The following TMEM132E variants were observed in gnomAD, a reference collection of about 807,000 sequenced individuals.
TMEM132E encodes the protein transmembrane protein 132E.
TMEM132E carries 49 observed loss-of-function variants against 78.5 expected under a neutral mutation model. The observed-to-expected ratio is 0.62, with a 90% CI of 0.50 to 0.79. The LOEUF is 0.79. Ranked by LOEUF, TMEM132E falls within the 30% of genes least tolerant of loss-of-function variation. The pLI is 0.00. For missense variants in TMEM132E, 1,403 were observed against 1,470.9 expected (o/e 0.95, Z 0.75); for synonymous variants, 715 against 670.6 (o/e 1.07, Z -1.02).
chr17:34,592,789 A>T (rs764943310), intron 1 of TMEM132E, among the ~76,000 whole-genome samples: 6 of 152,194 alleles, frequency 3.9e-5, no homozygotes, highest in Non-Finnish European at 8.8e-5. Context: ...AGGAACACTT[A>T]GGAGTCACCT....
At chr17:34,586,166 G>A (rs764526057) in intron 1 of TMEM132E, among the ~76,000 whole-genome samples, 2 of 152,126 alleles carry the variant, frequency 1.3e-5, no homozygotes, top group East Asian at 1.9e-4. Context: ...TCCTGCAGCC[G>A]ATGCTAACAA....
chr17:34,626,030 C>CCCCAG (rs1907104001), intron 1 of TMEM132E, 97 bp from the exon 2 acceptor site: 1 of 1,170,552 alleles, frequency 8.5e-7, no homozygotes, highest in South Asian at 1.6e-5. Flanking sequence ...AGTTGGCAGC[C>CCCCAG]CTCTGTGGGG....
At chr17:34,587,939 T>A (rs1040103309) in intron 1 of TMEM132E, among the ~76,000 whole-genome samples, 2 of 151,962 alleles carry the variant, frequency 1.3e-5, no homozygotes, top group African/African-American at 4.8e-5. Flanking sequence ...CCTTCGGAGG[T>A]CTTCTTGCCA....
At chr17:34,602,250 G>A (rs1213504049) in intron 1 of TMEM132E, among the ~76,000 whole-genome samples, 2 of 152,264 alleles carry the variant, frequency 1.3e-5, no homozygotes, top group Non-Finnish European at 2.9e-5. Flanking sequence ...GCTTTAAGCT[G>A]GCTCTCATGT....
At chr17:34,601,288 T>TG (rs1165844636) in intron 1 of TMEM132E, among the ~76,000 whole-genome samples, 1 of 152,154 alleles carries the variant, frequency 6.6e-6, no homozygotes, top group African/African-American at 2.4e-5. Flanking sequence ...CCGCATCTTG[T>TG]GGGGGTACTA....
At position 34,580,913 on chromosome 17, in the gene TMEM132E, C is replaced by A; in HGVS notation, c.-164C>A. The stretch of plus-strand genomic sequence containing the variant: ...TGTAGCCGCCAGCGCCTGGGACGCC[C>A]CCTCCCCGCAAAGTGTCCCCGAATT... On this transcript the variant is annotated 5_prime_UTR_variant, in exon 1 of 9. Coordinates refer to ENST00000631683, the MANE Select transcript of TMEM132E (RefSeq NM_001304438.2). 1 of 487,694 alleles carries A rather than the reference C, an allele frequency of 2.1e-6. No homozygotes were observed. 30.2% of individuals were successfully genotyped at this position (487,694 alleles called of 1,614,324 possible).
chr17:34,638,266 C>CGA lies in TMEM132E; in HGVS notation c.*34_*35insGA, dbSNP rs368775416. On this transcript the variant is annotated 3_prime_UTR_variant, in exon 9 of 9. Coordinates refer to ENST00000631683, the MANE Select transcript of TMEM132E (RefSeq NM_001304438.2). ...GCCGGAGTAGCAGGGACCCCCCCCC[C>CGA]CAACGGGGTCAGCTCGGGGTAGGAC... 171 of 1,463,302 alleles carry CGA rather than the reference C, an allele frequency of 1.2e-4. No individual in the cohort carries two copies. Among genetic ancestry groups the CGA allele is most frequent in the Non-Finnish European group, 1.5e-4 (163 of 1,103,722 alleles). The allele number at this position is 1,463,302 out of a possible 1,614,324, so 90.6% of individuals were successfully genotyped here.
intron 1 of TMEM132E, among the ~76,000 whole-genome samples, chr17:34,597,475 A>G (rs529637485): frequency 6.6e-6 from 1 of 152,102 alleles, no homozygotes; most frequent in Non-Finnish European, 1.5e-5. Flanking sequence ...CATTCATTCA[A>G]TTCTGCAAAG....
At chr17:34,613,209 A>ACGCGCGCGCGCGCGCG (rs1383529235) in intron 1 of TMEM132E, among the ~76,000 whole-genome samples, 1 of 63,514 alleles carries the variant, frequency 1.6e-5, no homozygotes, top group Admixed American at 2.2e-4. Flanking sequence ...ACACACACAC[A>ACGCGCGCGCGCGCGCG]CACGCGCGCG....
At chr17:34,614,258 T>G (rs1345666410) in intron 1 of TMEM132E, among the ~76,000 whole-genome samples, 1 of 152,166 alleles carries the variant, frequency 6.6e-6, no homozygotes, top group East Asian at 1.9e-4. Flanking sequence ...ACTCCAGACC[T>G]GCTGACAAAT....
At position 34,638,661 on chromosome 17, in the gene TMEM132E, A is replaced by T; in HGVS notation, c.*429A>T. 5.8e-6 allele frequency: 1 copy of T among 171,836 alleles called. No individual in the cohort carries two copies. The highest frequency in any genetic ancestry group is 2.5e-3 in the Middle Eastern group (1 of 404). The allele number at this position is 171,836 out of a possible 1,614,324, so 10.6% of individuals were successfully genotyped here. A position where few individuals can be genotyped will look rare whatever the true frequency, so the allele number is the denominator to read the frequency against. On this transcript the variant is annotated 3_prime_UTR_variant, in exon 9 of 9. Coordinates refer to ENST00000631683, the MANE Select transcript of TMEM132E (RefSeq NM_001304438.2). ...GGGTTCTGTGGGGGTCTTGTGTCAC[A>T]GGCTGCACAAAGACTTTCCTCAAAC...
intron 1 of TMEM132E, among the ~76,000 whole-genome samples, chr17:34,621,325 G>A (rs78403225): frequency 0.011 from 1,641 of 152,294 alleles, 31 homozygotes; most frequent in African/African-American, 0.038. Flanking sequence ...CTCGTAGACA[G>A]CTACCTTCTC....
Position 34,637,580 on chromosome 17 carries a change from G to A in TMEM132E, c.2573G>A (p.Gly858Asp). 2 of 1,600,274 alleles carry A rather than the reference G, an allele frequency of 1.2e-6. No homozygotes were observed. Among genetic ancestry groups the A allele is most frequent in the Non-Finnish European group, 1.7e-6 (2 of 1,176,506 alleles). Residue 858 changes from glycine to aspartate, a missense_variant, in exon 9 of 9, where the codon GGC becomes GAC. Coordinates refer to ENST00000631683, the MANE Select transcript of TMEM132E (RefSeq NM_001304438.2). ...CCCGCACCGGAGGCTCCAGGCCCGGGCACCGCCAGCCCCGTCGTGCCACCC... is the reference window on the plus strand; with the variant it reads ...CCCGCACCGGAGGCTCCAGGCCCGGACACCGCCAGCCCCGTCGTGCCACCC... Reference protein sequence around the residue: ...ALPAPEAPGPGTASPVVPPTE... With the variant: ...ALPAPEAPGPDTASPVVPPTE...
chr17:34,608,469 C>T (rs1478800598), intron 1 of TMEM132E, among the ~76,000 whole-genome samples: 1 of 152,162 alleles, frequency 6.6e-6, no homozygotes, highest in African/African-American at 2.4e-5. Context: ...ATAAACCACT[C>T]GGCACATGCA....
intron 1 of TMEM132E, among the ~76,000 whole-genome samples, chr17:34,602,664 G>T (rs947522098): frequency 6.6e-6 from 1 of 152,126 alleles, no homozygotes; most frequent in African/African-American, 2.4e-5. Flanking sequence ...TCCCCATGGA[G>T]TCAATCTGGC....
chr17:34,636,041 A>T lies in TMEM132E; in HGVS notation c.2012A>T (p.Glu671Val). ...VSPLTEAVLGETLLTVTEEKV... is the reference protein window; with the variant it reads ...VSPLTEAVLGVTLLTVTEEKV... ...CCGCTGACGGAGGCTGTGCTCGGGG[A>T]GACGCTGCTGACGGTGACTGAGGAG... The change falls in exon 8 of 9, where the codon GAG becomes GTG. Residue 671 changes from glutamate (E) to valine (V), a missense_variant. By Grantham distance (121) the Glu-to-Val change is moderately radical (BLOSUM62 -2). Coordinates refer to ENST00000631683, the MANE Select transcript of TMEM132E (RefSeq NM_001304438.2). The T allele has an allele frequency of 6.4e-7, 1 of 1,552,162 alleles. No individual in the cohort carries two copies. The highest frequency in any genetic ancestry group is 8.7e-7 in the Non-Finnish European group (1 of 1,151,700).
intron 1 of TMEM132E, among the ~76,000 whole-genome samples, chr17:34,581,950 C>T (rs940086291): frequency 1.3e-5 from 2 of 152,006 alleles, no homozygotes; most frequent in African/African-American, 4.8e-5. Flanking sequence ...GAACAGCCCC[C>T]AAGAATGGGA....
At chr17:34,585,054 T>C (rs1474515499) in intron 1 of TMEM132E, among the ~76,000 whole-genome samples, 1 of 152,180 alleles carries the variant, frequency 6.6e-6, no homozygotes, top group Non-Finnish European at 1.5e-5. Context: ...GGGAGACCCC[T>C]TTATTGCCGG....
At chr17:34,625,406 G>C (rs911458922) in intron 1 of TMEM132E, among the ~76,000 whole-genome samples, 10 of 152,172 alleles carry the variant, frequency 6.6e-5, no homozygotes, top group African/African-American at 2.4e-4. Context: ...GAGAGAGCAG[G>C]TACAATACTA....
Sources: allele counts gnomAD v4.1 joint callset (sites outside exome capture counted in the v4.1 genomes callset), GRCh38; gene constraint gnomAD v4.1.1; transcripts MANE v1.5; gene names NCBI Gene and HGNC (gene_info 2026-07-23, HGNC 2026-07-21).